SCARB2: variants seen among roughly 807,000 people sequenced by gnomAD.
SCARB2 encodes the protein lysosome membrane protein 2.
Under a neutral mutation model 58.6 loss-of-function variants are expected in SCARB2, and 29 were observed. The observed-to-expected ratio is 0.49, with a 90% CI of 0.37 to 0.67. The LOEUF is 0.67. SCARB2 is among the 30% of genes least tolerant of loss of function. The pLI is 0.00. For missense variants in SCARB2, 488 were observed against 578.5 expected, an observed-to-expected ratio of 0.84 and a Z score of 1.60; for synonymous variants, 195 against 210.1, an observed-to-expected ratio of 0.93 and a Z score of 0.62.
At chr4:76,200,422 T>C (rs557716892) in intron 1 of SCARB2, among the ~76,000 whole-genome samples, 41 of 152,312 alleles carry the variant, frequency 2.7e-4, no homozygotes, top group African/African-American at 7.9e-4. Flanking sequence ...ACTGGAAAAT[T>C]ATCAAGTTCT....
intron 2 of SCARB2, chr4:76,192,782 G>T (rs1732633677): frequency 6.6e-6 from 1 of 152,168 alleles, no homozygotes; most frequent in Non-Finnish European, 1.5e-5. Context: ...AGCCCAGGAG[G>T]TCAAGGCTGC....
At chr4:76,172,460 C>A (rs1012966608) in intron 7 of SCARB2, among the ~76,000 whole-genome samples, 2 of 151,894 alleles carry the variant, frequency 1.3e-5, no homozygotes, top group Admixed American at 6.6e-5. Context: ...CTCCCTGTTG[C>A]CCATGCAGGT....
chr4:76,162,672 C>G (rs927978142), intron 11 of SCARB2: 1 of 161,052 alleles, frequency 6.2e-6, no homozygotes, highest in African/African-American at 2.4e-5. Context: ...AATCTTGGAG[C>G]TGTTTTATCA....
At chr4:76,194,376 T>C (rs1237225103) in intron 2 of SCARB2, 1 of 152,220 alleles carries the variant, frequency 6.6e-6, no homozygotes, top group Non-Finnish European at 1.5e-5. Context: ...ACATGACTCA[T>C]TGACTCAATC....
chr4:76,222,916 G>C (rs1578749951), intron 1 of SCARB2, among the ~76,000 whole-genome samples: 1 of 152,186 alleles, frequency 6.6e-6, no homozygotes, highest in Admixed American at 6.5e-5. Context: ...TCAGAAGAAA[G>C]GCAGGGGGGG....
Position 76,161,471 on chromosome 4 carries a change from T to TA in SCARB2, c.*241dup. The TA allele has an allele frequency of 1.8e-6, 1 of 570,110 alleles. No individual in the cohort carries two copies. The highest frequency in any genetic ancestry group is 2.0e-5 in the South Asian group (1 of 48,840). The allele number at this position is 570,110 out of a possible 1,614,324, so 35.3% of individuals were successfully genotyped here. On this transcript the variant is annotated 3_prime_UTR_variant, in exon 12 of 12. Transcript: ENST00000264896. ...ACAAAATTACTATACAAGGGTTTAT[T>TA]AAATACTTGCTAGACACATAAAAGA...
chr4:76,231,153 C>T (rs1206471994), intron 1 of SCARB2, among the ~76,000 whole-genome samples: 1 of 152,154 alleles, frequency 6.6e-6, no homozygotes, highest in Non-Finnish European at 1.5e-5. Flanking sequence ...TGTGACACAC[C>T]CAGATGACTG....
In SCARB2 at chr4:76,213,639, C is replaced by A. The variant is rs1435770799; in HGVS notation, c.-96G>T. 2 of 930,316 alleles carry A rather than the reference C, an allele frequency of 2.1e-6. No homozygotes were observed. The highest frequency in any genetic ancestry group is 1.6e-5 in the African/African-American group (1 of 61,248). 57.6% of individuals were successfully genotyped at this position (930,316 alleles called of 1,614,324 possible). ...CCGCAGAGGCGTCGAAGACCCGGGACCCTTCGGCGCCACGCCCACGCCCTC... is the reference window on the plus strand; with the variant it reads ...CCGCAGAGGCGTCGAAGACCCGGGAACCTTCGGCGCCACGCCCACGCCCTC... On this transcript the variant is annotated 5_prime_UTR_variant, in exon 1 of 12. Transcript: ENST00000264896.
intron 1 of SCARB2, among the ~76,000 whole-genome samples, chr4:76,199,991 G>C (rs1299381351): frequency 2.6e-5 from 4 of 152,218 alleles, no homozygotes; most frequent in Non-Finnish European, 5.9e-5. Context: ...ACTCCCAGGA[G>C]CTTGCTCGGC....
Position 76,223,910 on chromosome 4 carries a change from T to C in SCARB2, c.-358+10393A>G, listed in dbSNP as rs112522402. On this transcript the variant is annotated intron_variant, in intron 1 of 11. Coordinates refer to the SCARB2 transcript ENST00000638295. ...GTCTTGGGACATTCAGGCTTGATCT[T>C]TGGGCTGCTACCCTATCCCTGAGCG... is the stretch of plus-strand genomic sequence containing the variant. Among the ~76,000 whole-genome samples the C allele has an allele frequency of 5.8e-3, 881 of 152,296 alleles. 11 individuals are homozygous for C. The highest frequency in any genetic ancestry group is 0.02 in the African/African-American group (832 of 41,556).
chr4:76,202,464 T>A (rs1249910223), intron 1 of SCARB2, among the ~76,000 whole-genome samples: 9 of 152,152 alleles, frequency 5.9e-5, no homozygotes, highest in Non-Finnish European at 1.2e-4. Context: ...CTTCACCATG[T>A]TAGTCAGGCT....
intron 1 of SCARB2, among the ~76,000 whole-genome samples, chr4:76,212,206 G>A (rs1733062901): frequency 6.6e-6 from 1 of 152,200 alleles, no homozygotes; most frequent in African/African-American, 2.4e-5. Flanking sequence ...GACAGGAGTG[G>A]AGAAAGGATT....
At chr4:76,229,578 T>C (rs1733458131) in intron 1 of SCARB2, among the ~76,000 whole-genome samples, 1 of 152,230 alleles carries the variant, frequency 6.6e-6, no homozygotes. Flanking sequence ...GACGTGGCTT[T>C]CTGGGAGCTG....
At chr4:76,184,051 T>C (rs1042203375) in intron 2 of SCARB2, among the ~76,000 whole-genome samples, 3 of 152,242 alleles carry the variant, frequency 2.0e-5, no homozygotes, top group Non-Finnish European at 2.9e-5. Flanking sequence ...ATCCTATAAA[T>C]AGCTGACCCT....
intron 7 of SCARB2, among the ~76,000 whole-genome samples, chr4:76,171,125 C>G (rs1215126836): frequency 6.6e-6 from 1 of 151,972 alleles, no homozygotes; most frequent in African/African-American, 2.4e-5. Context: ...TATTCACCAG[C>G]CCATGGCTTA....
At chr4:76,214,510 G>C (rs1186065223), upstream of SCARB2, 20 of 351,836 alleles carry the variant, frequency 5.7e-5, no homozygotes, top group East Asian at 7.5e-4. Context: ...AGGTGTTCAG[G>C]GGGTGGAGTC....
At chr4:76,205,855 T>C (rs978828352) in intron 1 of SCARB2, among the ~76,000 whole-genome samples, 2 of 152,214 alleles carry the variant, frequency 1.3e-5, no homozygotes, top group African/African-American at 4.8e-5. Flanking sequence ...GTGTCAGATA[T>C]AGAGAAACAT....
intron 4 of SCARB2, 34 bp from the exon 5 acceptor site, chr4:76,176,562 C>T (rs777933804): frequency 6.9e-7 from 1 of 1,441,662 alleles, no homozygotes; most frequent in African/African-American, 1.4e-5. Flanking sequence ...TTTAAAGTAA[C>T]TGTGATAATT....
intron 2 of SCARB2, among the ~76,000 whole-genome samples, chr4:76,189,136 T>C (rs73826388): frequency 0.021 from 3,261 of 152,312 alleles, 125 homozygotes; most frequent in African/African-American, 0.074. Flanking sequence ...AAATATTCAT[T>C]AAATAGTAGA....
Sources: allele counts gnomAD v4.1 joint callset (sites outside exome capture counted in the v4.1 genomes callset), GRCh38; gene constraint gnomAD v4.1.1; transcripts MANE v1.5; gene names NCBI Gene and HGNC (gene_info 2026-07-23, HGNC 2026-07-21).